Variants in PSAP observed in about 807,000 individuals in gnomAD.
PSAP encodes the protein prosaposin, also known as precursor of saposins.
In PSAP, 25 loss-of-function variants were observed where a neutral mutation model predicts 66.0. The ratio of observed to expected loss-of-function variants is 0.38; its 90% confidence interval spans 0.28 to 0.53. PSAP has a LOEUF of 0.53. Ranked by LOEUF, PSAP falls within the 20% of genes least tolerant of loss-of-function variation. The pLI is 0.83. For missense variants in PSAP, 649 were observed against 668.8 expected (o/e 0.97, Z 0.33); for synonymous variants, 273 against 258.9 (o/e 1.05, Z -0.52).
rs1262622123 is a variant in PSAP at position 71,851,241 on chromosome 10, G to C, written c.-20C>G. The C allele has an allele frequency of 5.2e-6, 8 of 1,550,196 alleles. No individual in the cohort carries two copies. The South Asian group carries it at 5.9e-5, about 12-fold the overall frequency. On this transcript the variant is annotated 5_prime_UTR_variant, in exon 1 of 14. Coordinates refer to ENST00000394936, the MANE Select transcript of PSAP (RefSeq NM_002778.4). ...GTACATAGCGCCGTCTGACTCCGCAGTCTGCAATGCGGAGCGTCAGCTGAT... is the reference window on the plus strand; with the variant it reads ...GTACATAGCGCCGTCTGACTCCGCACTCTGCAATGCGGAGCGTCAGCTGAT...
chr10:71,847,257 C>A (rs556619243), intron 1 of PSAP, among the ~76,000 whole-genome samples: 2 of 152,256 alleles, frequency 1.3e-5, no homozygotes, highest in East Asian at 3.9e-4. Flanking sequence ...GAGTTCAAGA[C>A]CAGCCTGGCC....
intron 4 of PSAP, among the ~76,000 whole-genome samples, chr10:71,830,256 A>T (rs1842485907): frequency 6.6e-6 from 1 of 152,164 alleles, no homozygotes; most frequent in Admixed American, 6.5e-5. Context: ...GAAACCAGGG[A>T]GACATTTATA....
intron 1 of PSAP, among the ~76,000 whole-genome samples, chr10:71,845,559 T>C (rs1185917002): frequency 6.6e-6 from 1 of 152,138 alleles, no homozygotes; most frequent in Non-Finnish European, 1.5e-5. Context: ...TACCAGGCTG[T>C]TTGGGGAGGG....
intron 1 of PSAP, among the ~76,000 whole-genome samples, chr10:71,845,382 C>A (rs188712768): frequency 6.6e-6 from 1 of 152,078 alleles, no homozygotes; most frequent in Non-Finnish European, 1.5e-5. Context: ...CTGGGTGTTG[C>A]GTACACATGT....
chr10:71,838,830 A>G (rs1047363086), intron 1 of PSAP, among the ~76,000 whole-genome samples: 4 of 152,138 alleles, frequency 2.6e-5, no homozygotes, highest in African/African-American at 9.7e-5. Flanking sequence ...AGCAGAAACA[A>G]AATGCATAAC....
Position 71,851,093 on chromosome 10 carries a change from G to A in PSAP, c.40+89C>T. Reference sequence around the variant, plus strand: ...CCCCTTGCCAACTAGGGCAGGGGGAGCAGAGGGGCCAGGCCCGGCACAGCC... The same window carrying A: ...CCCCTTGCCAACTAGGGCAGGGGGAACAGAGGGGCCAGGCCCGGCACAGCC... On this transcript the variant is annotated intron_variant, in intron 1 of 13. Coordinates refer to ENST00000394936, the MANE Select transcript of PSAP (RefSeq NM_002778.4). 4 of 1,446,894 alleles carry A rather than the reference G, an allele frequency of 2.8e-6. No homozygotes were observed. The South Asian group carries it at 4.9e-5, about 18-fold the overall frequency. The allele number at this position is 1,446,894 out of a possible 1,614,324, so 89.6% of individuals were successfully genotyped here. A position where few individuals can be genotyped will look rare whatever the true frequency, so the allele number is the denominator to read the frequency against.
chr10:71,819,656 G>C (rs767653248), intron 10 of PSAP, 34 bp from the exon 11 acceptor site: 1 of 1,614,084 alleles, frequency 6.2e-7, no homozygotes, highest in Non-Finnish European at 8.5e-7. Context: ...AACGCTGGCA[G>C]GGCCCTCCCA....
chr10:71,833,600 C>T (rs1842562837), intron 2 of PSAP, among the ~76,000 whole-genome samples: 1 of 152,194 alleles, frequency 6.6e-6, no homozygotes, highest in Admixed American at 6.5e-5. Context: ...AACCCAAAGT[C>T]CACTCAGTCA....
intron 8 of PSAP, among the ~76,000 whole-genome samples, chr10:71,820,540 A>AC (rs1184297786): frequency 2.7e-5 from 3 of 112,958 alleles, no homozygotes; most frequent in African/African-American, 1.0e-4. Flanking sequence ...ATCCTCTACC[A>AC]CCCCCACCTC....
At chr10:71,826,002 G>C in intron 6 of PSAP, 109 bp from the exon 7 acceptor site, 1 of 915,210 alleles carries the variant, frequency 1.1e-6, no homozygotes, top group East Asian at 2.5e-5. Flanking sequence ...TGACTATCAA[G>C]CAAGTTTCTA....
At chr10:71,850,326 T>C (rs368557216) in intron 1 of PSAP, among the ~76,000 whole-genome samples, 3 of 152,376 alleles carry the variant, frequency 2.0e-5, no homozygotes, top group East Asian at 3.9e-4. Flanking sequence ...TCCACAATCC[T>C]TTATCTTAAC....
chr10:71,820,432 G>A lies in PSAP; in HGVS notation c.910-97C>T, dbSNP rs373493031. ...AAAGGGGACACAGAGACCAGGGTGG[G>A]TTAGCACATCAAGGGCCACTGCCTC... is the stretch of plus-strand genomic sequence containing the variant. On this transcript the variant is annotated intron_variant, in intron 8 of 13. Transcript: ENST00000394936. The A allele has an allele frequency of 8.6e-4, 848 of 984,908 alleles. 12 individuals carry two copies. The South Asian group carries it at 9.3e-3, about 11-fold the overall frequency. 61.0% of individuals were successfully genotyped at this position (984,908 alleles called of 1,614,324 possible). A position where few individuals can be genotyped will look rare whatever the true frequency, so the allele number is the denominator to read the frequency against.
At chr10:71,829,761 G>A (rs1842474379) in intron 4 of PSAP, among the ~76,000 whole-genome samples, 1 of 152,090 alleles carries the variant, frequency 6.6e-6, no homozygotes, top group South Asian at 2.1e-4. Context: ...CACTTTGTGA[G>A]GCCGAGGCGG....
chr10:71,827,581 G>T (rs1589450725), intron 6 of PSAP, among the ~76,000 whole-genome samples: 1 of 151,808 alleles, frequency 6.6e-6, no homozygotes, highest in African/African-American at 2.4e-5. Context: ...ACAAAAATTA[G>T]CTGGGCGTGA....
At chr10:71,850,057 G>A (rs890956433) in intron 1 of PSAP, among the ~76,000 whole-genome samples, 1 of 150,950 alleles carries the variant, frequency 6.6e-6, no homozygotes, top group Non-Finnish European at 1.5e-5. Context: ...ATAAGACAAG[G>A]AAAAAAAAAT....
intron 4 of PSAP, 141 bp from the exon 5 acceptor site, chr10:71,829,218 A>G: frequency 1.2e-6 from 1 of 867,346 alleles, no homozygotes; most frequent in Non-Finnish European, 1.9e-6. Context: ...CAAACTGCTC[A>G]GCATACCAAG....
chr10:71,830,341 G>A (rs960040578), intron 4 of PSAP, among the ~76,000 whole-genome samples: 20 of 152,206 alleles, frequency 1.3e-4, no homozygotes, highest in African/African-American at 4.8e-4. Context: ...ATCTGCATCT[G>A]CCATTTCCAC....
chr10:71,833,255 C>A (rs1054372958), intron 2 of PSAP, among the ~76,000 whole-genome samples: 5 of 152,070 alleles, frequency 3.3e-5, no homozygotes, highest in African/African-American at 4.8e-5. Context: ...CCCAGGAGTT[C>A]AAGACCAGCC....
chr10:71,825,547 A>G (rs1355357703), intron 7 of PSAP, among the ~76,000 whole-genome samples: 1 of 152,182 alleles, frequency 6.6e-6, no homozygotes, highest in Non-Finnish European at 1.5e-5. Context: ...CCAGGGTTAA[A>G]GCCAGACCTA....
Sources: allele counts gnomAD v4.1 joint callset (sites outside exome capture counted in the v4.1 genomes callset), GRCh38; gene constraint gnomAD v4.1.1; transcripts MANE v1.5; gene names NCBI Gene and HGNC (gene_info 2026-07-23, HGNC 2026-07-21).